Variants in IL1RAPL1 observed in about 807,000 individuals in gnomAD.
IL1RAPL1 encodes interleukin 1 receptor accessory protein like 1, also known as interleukin-1 receptor accessory protein-like 1.
IL1RAPL1 carries 3 observed loss-of-function variants against 48.4 expected under a neutral mutation model. That is an observed-to-expected ratio of 0.06 (90% CI 0.03 to 0.16). The LOEUF (loss-of-function observed/expected upper bound fraction) is 0.16. IL1RAPL1 is among the 10% of genes least tolerant of loss of function. The pLI is 1.00. For missense variants in IL1RAPL1, 349 were observed against 530.6 expected (o/e 0.66, Z 3.36); for synonymous variants, 185 against 187.7 (o/e 0.99, Z 0.12).
At chrX:29,014,680 G>A (rs1926200443) in intron 2 of IL1RAPL1, among the ~76,000 whole-genome samples, 1 of 111,813 alleles carries the variant, frequency 8.9e-6, no homozygotes. Context: ...AATAACCTAA[G>A]CAACCTTTGG....
intron 2 of IL1RAPL1, among the ~76,000 whole-genome samples, chrX:29,255,100 T>C (rs2147578513): frequency 9.4e-6 from 1 of 106,226 alleles, no homozygotes; most frequent in Non-Finnish European, 2.0e-5. Context: ...GTTGACCTTT[T>C]GAGTTTTTAG....
At chrX:29,905,234 ATTTG>A (rs1932584618) in intron 6 of IL1RAPL1, among the ~76,000 whole-genome samples, 1 of 110,111 alleles carries the variant, frequency 9.1e-6, no homozygotes, top group Non-Finnish European at 1.9e-5. Flanking sequence ...TTTCTTGTAA[ATTTG>A]TTTAAGTTCC....
rs752246999 is a variant in IL1RAPL1 at position 28,925,920 on chromosome X, A to T, written c.82+136495A>T. Among the ~76,000 whole-genome samples the T allele has an allele frequency of 2.5e-3, 275 of 111,365 alleles. 2 individuals are homozygous for T. The highest frequency in any genetic ancestry group is 8.7e-3 in the African/African-American group (267 of 30,635). On this transcript the variant is annotated intron_variant, in intron 2 of 10. Coordinates refer to ENST00000378993, the MANE Select transcript of IL1RAPL1 (RefSeq NM_014271.4). ...TGGCGACAGAGTGAGACTCTGTCTC[A>T]CACACACACACGAAAAGAACCAAAG...
intron 1 of IL1RAPL1, among the ~76,000 whole-genome samples, chrX:28,617,783 T>G (rs760266839): frequency 8.9e-6 from 1 of 112,768 alleles, no homozygotes; most frequent in African/African-American, 3.2e-5. Flanking sequence ...TAGATTCAAG[T>G]AATTTGAATG....
At chrX:29,908,153 T>C (rs1309971087) in intron 6 of IL1RAPL1, among the ~76,000 whole-genome samples, 3 of 111,117 alleles carry the variant, frequency 2.7e-5, no homozygotes, top group Non-Finnish European at 5.7e-5. Context: ...AAACTGGCTT[T>C]CTTCTGAATT....
intron 2 of IL1RAPL1, among the ~76,000 whole-genome samples, chrX:28,795,843 C>A (rs2147268653): frequency 9.0e-6 from 1 of 110,791 alleles, no homozygotes; most frequent in African/African-American, 3.3e-5. Flanking sequence ...TAGAAGCTGG[C>A]AAATGGTAGG....
chrX:28,918,317 C>A (rs1325028926), intron 2 of IL1RAPL1, among the ~76,000 whole-genome samples: 1 of 112,129 alleles, frequency 8.9e-6, no homozygotes, highest in Non-Finnish European at 1.9e-5. Context: ...GGCATTTACT[C>A]AGAAAGAACA....
chrX:28,920,393 G>A (rs1013381153), intron 2 of IL1RAPL1, among the ~76,000 whole-genome samples: 2 of 111,799 alleles, frequency 1.8e-5, no homozygotes, highest in African/African-American at 6.5e-5. Context: ...CAGCAGAGTT[G>A]TTCCTAATAA....
At chrX:29,166,628 C>G (rs780500224) in intron 2 of IL1RAPL1, among the ~76,000 whole-genome samples, 3 of 112,100 alleles carry the variant, frequency 2.7e-5, no homozygotes, top group Admixed American at 9.5e-5. Flanking sequence ...TCAAGCTGCT[C>G]TCTGACTTAA....
At chrX:29,129,834 TC>T (rs1358718328) in intron 2 of IL1RAPL1, among the ~76,000 whole-genome samples, 1 of 110,271 alleles carries the variant, frequency 9.1e-6, no homozygotes, top group African/African-American at 3.3e-5. Context: ...GACCTCATGA[TC>T]CGCCCGCCTC....
intron 5 of IL1RAPL1, among the ~76,000 whole-genome samples, chrX:29,498,249 T>G (rs1935234746): frequency 8.9e-6 from 1 of 111,982 alleles, no homozygotes; most frequent in South Asian, 3.8e-4. Context: ...CCAAGTTCTA[T>G]TCTTCCTCAC....
chrX:29,073,649 A>G (rs1003472830), intron 2 of IL1RAPL1, among the ~76,000 whole-genome samples: 5 of 112,030 alleles, frequency 4.5e-5, no homozygotes, highest in African/African-American at 1.6e-4. Context: ...GCCTAGCTTT[A>G]GACCCTCTTG....
At chrX:28,632,464 G>A (rs889786188) in intron 1 of IL1RAPL1, among the ~76,000 whole-genome samples, 2 of 111,563 alleles carry the variant, frequency 1.8e-5, no homozygotes, top group African/African-American at 6.5e-5. Flanking sequence ...ATAACAGCAA[G>A]TGGTGTAATT....
At chrX:29,359,107 C>T (rs912700724) in intron 3 of IL1RAPL1, among the ~76,000 whole-genome samples, 1 of 111,232 alleles carries the variant, frequency 9.0e-6, no homozygotes, top group Non-Finnish European at 1.9e-5. Flanking sequence ...TTTAGCAAAA[C>T]GTGGTTTATA....
chrX:29,619,318 G>A (rs1924389097), intron 5 of IL1RAPL1, among the ~76,000 whole-genome samples: 1 of 111,169 alleles, frequency 9.0e-6, no homozygotes, highest in Admixed American at 9.6e-5. Context: ...AGTATTTCTT[G>A]TATAATTATA....
chrX:29,382,801 T>A (rs750297890), intron 3 of IL1RAPL1, among the ~76,000 whole-genome samples: 2 of 112,082 alleles, frequency 1.8e-5, no homozygotes, highest in South Asian at 7.4e-4. Context: ...CAAGATTAAC[T>A]GAATTTCAAA....
At chrX:29,117,292 C>T (rs1452754586) in intron 2 of IL1RAPL1, among the ~76,000 whole-genome samples, 6 of 111,610 alleles carry the variant, frequency 5.4e-5, no homozygotes, top group Admixed American at 9.5e-5. Flanking sequence ...AGTTATGTGA[C>T]GACCATACTG....
chrX:28,901,340 C>T (rs774335230), intron 2 of IL1RAPL1, among the ~76,000 whole-genome samples: 10 of 112,051 alleles, frequency 8.9e-5, no homozygotes, highest in Non-Finnish European at 1.7e-4. Context: ...AATTAGGAAG[C>T]ATCATGCCAT....
At chrX:29,449,770 C>CAG (rs1393876531) in intron 5 of IL1RAPL1, among the ~76,000 whole-genome samples, 2 of 75,144 alleles carry the variant, frequency 2.7e-5, no homozygotes, top group African/African-American at 1.3e-4. Flanking sequence ...CACACACACA[C>CAG]ACACACACAC....
Sources: allele counts gnomAD v4.1 joint callset (sites outside exome capture counted in the v4.1 genomes callset), GRCh38; gene constraint gnomAD v4.1.1; transcripts MANE v1.5; gene names NCBI Gene and HGNC (gene_info 2026-07-23, HGNC 2026-07-21).